The following ZGLP1 variants were observed in gnomAD, a reference collection of about 807,000 sequenced individuals.
ZGLP1 encodes zinc finger GATA like protein 1, also known as GATA-type zinc finger protein 1.
In ZGLP1, 11 loss-of-function variants were observed where a neutral mutation model predicts 21.4. The ratio of observed to expected loss-of-function variants is 0.51; its 90% CI spans 0.32 to 0.85. The LOEUF is 0.85. ZGLP1 is among the 40% of genes least tolerant of loss of function. The pLI is 0.03. For synonymous variants in ZGLP1, 148 were observed against 145.0 expected (o/e 1.02, Z -0.15); for missense variants, 295 against 355.6 (o/e 0.83, Z 1.37).
chr19:10,308,952 A>T (rs988641489), exon 1 of ZGLP1: 1 of 299,498 alleles, frequency 3.3e-6, no homozygotes, highest in Non-Finnish European at 6.1e-6. Context: ...CGTGATCAGG[A>T]CTCAGTGCAG....
At chr19:10,306,658 CA>C (rs1191597922) in intron 1 of ZGLP1, among the ~76,000 whole-genome samples, 1 of 151,018 alleles carries the variant, frequency 6.6e-6, no homozygotes. Context: ...TCTCTACAAA[CA>C]AAAAAAATAG....
Position 10,305,697 on chromosome 19 carries a change from T to C in ZGLP1, c.604+149A>G. The C allele has an allele frequency of 1.3e-6, 1 of 749,534 alleles. No homozygotes were observed. The highest frequency in any genetic ancestry group is 2.3e-6 in the Non-Finnish European group (1 of 444,140). 46.4% of individuals were successfully genotyped at this position (749,534 alleles called of 1,614,324 possible). A position where few individuals can be genotyped will look rare whatever the true frequency, so the allele number is the denominator to read the frequency against. On this transcript the variant is annotated intron_variant, in intron 2 of 3. Transcript: ENST00000403903. This position sits in a 1 kb window ranked among gnomAD's most constrained non-coding sequence, Gnocchi z 4.7. ...GGAGGAAGCTGGGGGTGGGGGTGAC[T>C]CAGCCCAAGTGGAGGGGGGTGCTGC...
Position 10,305,581 on chromosome 19 carries a change from G to C in ZGLP1, c.605-98C>G. On this transcript the variant is annotated intron_variant, in intron 2 of 3. Coordinates refer to ENST00000403903, the Ensembl canonical transcript of ZGLP1. This position sits in a 1 kb window ranked among gnomAD's most constrained non-coding sequence, Gnocchi z 4.7. Reference sequence around the variant, plus strand: ...GGCATTTTGTGGGGGTCTCAGTAAAGGCCCCACCTAGCTCTGGATCAGCCC... The same window carrying C: ...GGCATTTTGTGGGGGTCTCAGTAAACGCCCCACCTAGCTCTGGATCAGCCC... 1 of 1,056,138 alleles carries C rather than the reference G, an allele frequency of 9.5e-7. No homozygotes were observed. Among genetic ancestry groups the C allele is most frequent in the Admixed American group, 2.1e-5 (1 of 48,714 alleles). 65.4% of individuals were successfully genotyped at this position (1,056,138 alleles called of 1,614,324 possible). A position where few individuals can be genotyped will look rare whatever the true frequency, so the allele number is the denominator to read the frequency against.
chr19:10,307,193 T>C (rs968020530), intron 1 of ZGLP1, among the ~76,000 whole-genome samples: 32 of 152,098 alleles, frequency 2.1e-4, no homozygotes, highest in African/African-American at 6.5e-4. Context: ...TTATAATTTT[T>C]ATAATAACAA....
chr19:10,305,846 C>G lies in ZGLP1; in HGVS notation c.604G>C (p.Glu202Gln), dbSNP rs543168455. The G allele has an allele frequency of 1.3e-6, 2 of 1,553,008 alleles. No homozygotes were observed. The highest frequency in any genetic ancestry group is 2.7e-5 in the African/African-American group (2 of 73,220). Reference sequence around the variant, plus strand: ...TAGCTCTTGGGTTTTCAGGACTCACCCAGGGCCTCGCTGCCTGCTGAGTGG... The same window carrying G: ...TAGCTCTTGGGTTTTCAGGACTCACGCAGGGCCTCGCTGCCTGCTGAGTGG... Residue 202 changes from glutamate to glutamine, a missense_variant and splice_region_variant, in exon 2 of 4, where the codon GAG becomes CAG. Physicochemically the swap from Glu to Gln is conservative, Grantham distance 29. Transcript: ENST00000403903. This position sits in a 1 kb window ranked among gnomAD's most constrained non-coding sequence, Gnocchi z 4.7.
chr19:10,308,591 T>A lies in ZGLP1; in HGVS notation c.91A>T (p.Ser31Cys), dbSNP rs1396969958. The change falls in exon 1 of 4, where the codon AGT becomes TGT. Residue 31 changes from serine to cysteine, a missense_variant. Ser to Cys is a moderately radical substitution (Grantham distance 112). This residue lies in a region of ZGLP1 where 252 missense variants were observed against 264.0 expected (regional missense o/e 0.95). Transcript: ENST00000403903. ...GTGGGGTCACGTTTTCTTGGGTGAC[T>A]CCTGGGTTTAGCCGGCCAGGGGGTT... 4 of 1,576,436 alleles carry A rather than the reference T, an allele frequency of 2.5e-6. No homozygotes were observed. The Admixed American group carries it at 5.5e-5, about 22-fold the overall frequency.
In ZGLP1 at chr19:10,305,550, G is replaced by T; in HGVS notation, c.605-67C>A. 2 of 1,398,874 alleles carry T rather than the reference G, an allele frequency of 1.4e-6. No individual in the cohort carries two copies. The highest frequency in any genetic ancestry group is 2.5e-5 in the East Asian group (1 of 40,696). The allele number at this position is 1,398,874 out of a possible 1,614,324, so 86.7% of individuals were successfully genotyped here. ...CATGTGAGCTCGGGATGCCTGTGCG[G>T]AGTCGGGCATTTTGTGGGGGTCTCA... On this transcript the variant is annotated intron_variant, in intron 2 of 3. Transcript: ENST00000403903. This position sits in a 1 kb window ranked among gnomAD's most constrained non-coding sequence, Gnocchi z 4.7.
Position 10,305,739 on chromosome 19 carries a change from C to G in ZGLP1, c.604+107G>C. 1 of 959,950 alleles carries G rather than the reference C, an allele frequency of 1.0e-6. No homozygotes were observed. The highest frequency in any genetic ancestry group is 1.6e-6 in the Non-Finnish European group (1 of 616,106). 59.5% of individuals were successfully genotyped at this position (959,950 alleles called of 1,614,324 possible). ...GGGTGCTGCGACTCCTCCCTGAGGGCTCTAAATGGGGAAGCAAGATGGAGA... is the reference window on the plus strand; with the variant it reads ...GGGTGCTGCGACTCCTCCCTGAGGGGTCTAAATGGGGAAGCAAGATGGAGA... On this transcript the variant is annotated intron_variant, in intron 2 of 3. Transcript: ENST00000403903. This position sits in a 1 kb window ranked among gnomAD's most constrained non-coding sequence, Gnocchi z 4.7.
In ZGLP1 at chr19:10,305,564, G is replaced by A; in HGVS notation, c.605-81C>T. The A allele has an allele frequency of 7.8e-7, 1 of 1,280,444 alleles. No homozygotes were observed. The highest frequency in any genetic ancestry group is 1.1e-6 in the Non-Finnish European group (1 of 903,764). The allele number at this position is 1,280,444 out of a possible 1,614,324, so 79.3% of individuals were successfully genotyped here. On this transcript the variant is annotated intron_variant, in intron 2 of 3. Transcript: ENST00000403903. The surrounding 1 kb of genome is among the most constrained non-coding windows in gnomAD (Gnocchi z 4.7). ...ATGCCTGTGCGGAGTCGGGCATTTTGTGGGGGTCTCAGTAAAGGCCCCACC... is the reference window on the plus strand; with the variant it reads ...ATGCCTGTGCGGAGTCGGGCATTTTATGGGGGTCTCAGTAAAGGCCCCACC...
intron 1 of ZGLP1, 86 bp downstream of exon 2, chr19:10,308,099 C>A: frequency 6.7e-7 from 1 of 1,486,274 alleles, no homozygotes; most frequent in Admixed American, 2.3e-5. Flanking sequence ...GGGTCCACAC[C>A]GACGCCAGAG....
At position 10,305,486 on chromosome 19, in the gene ZGLP1, G is replaced by A. The variant is rs778532324; in HGVS notation, c.605-3C>T. The A allele has an allele frequency of 2.8e-5, 45 of 1,590,676 alleles. No individual in the cohort carries two copies. The highest frequency in any genetic ancestry group is 1.7e-4 in the Middle Eastern group (1 of 6,058). Reference sequence around the variant, plus strand: ...ACAGGAAGCACAGCGCCGGGGCTCTGAAGGGTCAGAGGTCAAAGGGCAGGG... The same window carrying A: ...ACAGGAAGCACAGCGCCGGGGCTCTAAAGGGTCAGAGGTCAAAGGGCAGGG... On this transcript the variant is annotated splice_region_variant and splice_polypyrimidine_tract_variant and intron_variant, in intron 2 of 3. Coordinates refer to ENST00000403903, the Ensembl canonical transcript of ZGLP1. The surrounding 1 kb of genome is among the most constrained non-coding windows in gnomAD (Gnocchi z 4.7).
rs537609127 is a variant in ZGLP1 at position 10,305,530 on chromosome 19, G to A, written c.605-47C>T. 2 of 1,517,468 alleles carry A rather than the reference G, an allele frequency of 1.3e-6. No individual in the cohort carries two copies. The highest frequency in any genetic ancestry group is 2.4e-5 in the East Asian group (1 of 42,292). 94.0% of individuals were successfully genotyped at this position (1,517,468 alleles called of 1,614,324 possible). A position where few individuals can be genotyped will look rare whatever the true frequency, so the allele number is the denominator to read the frequency against. The stretch of plus-strand genomic sequence containing the variant: ...GGCAGGGGTCAGAGGCCAAGCATGT[G>A]AGCTCGGGATGCCTGTGCGGAGTCG... On this transcript the variant is annotated intron_variant, in intron 2 of 3. Coordinates refer to ENST00000403903, the Ensembl canonical transcript of ZGLP1. The surrounding 1 kb of genome is among the most constrained non-coding windows in gnomAD (Gnocchi z 4.7).
At chr19:10,305,000 T>C in exon 4 of ZGLP1, 3 of 1,027,578 alleles carry the variant, frequency 2.9e-6, no homozygotes, top group Non-Finnish European at 4.4e-6. Flanking sequence ...GGCCGGCTCT[T>C]TCCCCAATCC....
Position 10,305,826 on chromosome 19 carries a change from C to T in ZGLP1, c.604+20G>A. On this transcript the variant is annotated intron_variant, in intron 2 of 3. Coordinates refer to ENST00000403903, the Ensembl canonical transcript of ZGLP1. This position sits in a 1 kb window ranked among gnomAD's most constrained non-coding sequence, Gnocchi z 4.7. ...ATTGGCCCCCAAAATATTTATAGCTCTTGGGTTTTCAGGACTCACCCAGGG... is the reference window on the plus strand; with the variant it reads ...ATTGGCCCCCAAAATATTTATAGCTTTTGGGTTTTCAGGACTCACCCAGGG... The T allele has an allele frequency of 2.6e-6, 4 of 1,538,596 alleles. No homozygotes were observed. Among genetic ancestry groups the T allele is most frequent in the Non-Finnish European group, 3.5e-6 (4 of 1,134,866 alleles).
exon 1 of ZGLP1, chr19:10,309,563 G>C (rs1396933773): frequency 1.3e-5 from 2 of 152,714 alleles, no homozygotes; most frequent in East Asian, 1.9e-4. Context: ...CCACCTGGGA[G>C]GGGCGGGACC....
exon 4 of ZGLP1, chr19:10,304,972 G>A (rs34561079): frequency 0.1 from 77,502 of 763,274 alleles, 4,598 homozygotes; most frequent in Admixed American, 0.13. Flanking sequence ...TGAATCTGGA[G>A]ATGGCAGAGA....
chr19:10,305,249 G>A lies in ZGLP1; in HGVS notation c.699-41C>T, dbSNP rs756307494. On this transcript the variant is annotated intron_variant, in intron 3 of 3. Transcript: ENST00000403903. The surrounding 1 kb of genome is among the most constrained non-coding windows in gnomAD (Gnocchi z 4.7). ...AAGAAACTGCCATTTAGGATGCAGT[G>A]GGGGCCCGGAAACCGCCACAAGGAA... 5 of 1,595,816 alleles carry A rather than the reference G, an allele frequency of 3.1e-6. No homozygotes were observed. In the Admixed American group the frequency reaches 5.0e-5, roughly 16 times the overall value.
At chr19:10,308,818 C>CTG in exon 1 of ZGLP1, 1 of 692,198 alleles carries the variant, frequency 1.4e-6, no homozygotes, top group Non-Finnish European at 2.1e-6. Context: ...GCAGGGACCG[C>CTG]CCTAGGTGAC....
Position 10,308,175 on chromosome 19 carries a change from C to A in ZGLP1, c.497+10G>T, listed in dbSNP as rs2040289938. ...GGAGAAAGGGCGGCCTGGCCCCAGC[C>A]GGCCCCTACCTGTACGTGGGGATGA... On this transcript the variant is annotated intron_variant, in intron 1 of 3. Transcript: ENST00000403903. 2.0e-6 allele frequency: 3 copies of A among 1,517,196 alleles called. No individual in the cohort carries two copies. The highest frequency in any genetic ancestry group is 4.5e-5 in the Admixed American group (2 of 44,898). The allele number at this position is 1,517,196 out of a possible 1,614,324, so 94.0% of individuals were successfully genotyped here. A position where few individuals can be genotyped will look rare whatever the true frequency, so the allele number is the denominator to read the frequency against.
Sources: allele counts gnomAD v4.1 joint callset (sites outside exome capture counted in the v4.1 genomes callset), GRCh38; gene constraint gnomAD v4.1.1; regional missense constraint gnomAD v4.1.1; non-coding constraint Gnocchi (gnomAD v3.1); transcripts MANE v1.5; gene names NCBI Gene and HGNC (gene_info 2026-07-23, HGNC 2026-07-21).